The following CACNB1 variants were observed in gnomAD, a reference collection of about 807,000 sequenced individuals.
The protein encoded by CACNB1 is voltage-dependent L-type calcium channel subunit beta-1.
A neutral mutation model predicts 71.6 loss-of-function variants in CACNB1; 29 were observed. The ratio of observed to expected loss-of-function variants is 0.40; its 90% CI spans 0.30 to 0.55. The LOEUF (loss-of-function observed/expected upper bound fraction) is 0.55, where lower values mean the gene tolerates loss of function less well. Ranked by LOEUF, CACNB1 falls within the 20% of genes least tolerant of loss-of-function variation. The pLI is 0.38. For missense variants in CACNB1, 623 were observed against 801.8 expected, an observed-to-expected ratio of 0.78 and a Z score of 2.69; for synonymous variants, 300 against 319.6, an observed-to-expected ratio of 0.94 and a Z score of 0.65.
At chr17:39,182,999 C>T (rs2045816313) in intron 11 of CACNB1, 1 of 972,476 alleles carries the variant, frequency 1.0e-6, no homozygotes, top group Admixed American at 6.2e-5. Context: ...TTTCTCAGAT[C>T]CCCACTGGCA....
chr17:39,175,066 G>T lies in CACNB1; in HGVS notation c.*127C>A. The T allele has an allele frequency of 2.5e-6, 2 of 812,934 alleles. No homozygotes were observed. 50.4% of individuals were successfully genotyped at this position (812,934 alleles called of 1,614,324 possible). A position where few individuals can be genotyped will look rare whatever the true frequency, so the allele number is the denominator to read the frequency against. On this transcript the variant is annotated 3_prime_UTR_variant, in exon 14 of 14. Coordinates refer to ENST00000394303, the MANE Select transcript of CACNB1 (RefSeq NM_000723.5). The surrounding 1 kb of genome is among the most constrained non-coding windows in gnomAD (Gnocchi z 4.7). ...TAACACCAAAGAAACCCCAAGCTTT[G>T]AGCAAAGGCATCTGAAAGGAGGGAG...
rs771230457 is a variant in CACNB1 at position 39,186,757 on chromosome 17, T to C, written c.551+36A>G. On this transcript the variant is annotated intron_variant, in intron 5 of 13. Coordinates refer to ENST00000394303, the MANE Select transcript of CACNB1 (RefSeq NM_000723.5). This position sits in a 1 kb window ranked among gnomAD's most constrained non-coding sequence, Gnocchi z 4.1. ...CCAGGCTGTATGGCCTCTCCTGGGG[T>C]TGGCAGCATCCCCTTCCCCTGCCCC... 1.2e-6 allele frequency: 2 copies of C among 1,611,388 alleles called. No homozygotes were observed. Among genetic ancestry groups the C allele is most frequent in the South Asian group, 2.2e-5 (2 of 90,930 alleles).
intron 11 of CACNB1, among the ~76,000 whole-genome samples, chr17:39,182,428 C>T (rs1381038540): frequency 1.3e-5 from 2 of 151,824 alleles, no homozygotes; most frequent in Admixed American, 1.3e-4. Context: ...AGGCTGGGTG[C>T]GGTAGCTCAC....
intron 3 of CACNB1, among the ~76,000 whole-genome samples, 169 bp downstream of exon 3, chr17:39,191,305 A>G (rs2046074474): frequency 7.3e-6 from 1 of 136,854 alleles, no homozygotes; most frequent in South Asian, 2.4e-4. Flanking sequence ...CTGTATAAGC[A>G]GGCAGGTATT....
chr17:39,191,068 G>GTGGTGTA, intron 3 of CACNB1, among the ~76,000 whole-genome samples: 1 of 152,044 alleles, frequency 6.6e-6, no homozygotes, highest in South Asian at 2.1e-4. Flanking sequence ...GCCGGGCGTG[G>GTGGTGTA]CAGCCAGAGC....
At chr17:39,179,125 C>A (rs1420143917) in intron 11 of CACNB1, among the ~76,000 whole-genome samples, 1 of 151,432 alleles carries the variant, frequency 6.6e-6, no homozygotes, top group East Asian at 1.9e-4. Flanking sequence ...AACCCCATCT[C>A]TACTAAAAAT....
intron 11 of CACNB1, among the ~76,000 whole-genome samples, chr17:39,182,188 G>T (rs867463693): frequency 6.6e-6 from 1 of 151,032 alleles, no homozygotes; most frequent in South Asian, 2.1e-4. Context: ...AGCCAGGTGT[G>T]GTGTGTGCCC....
intron 10 of CACNB1, 59 bp from the exon 11 acceptor site, chr17:39,183,923 G>T (rs1174315050): frequency 6.3e-7 from 1 of 1,581,484 alleles, no homozygotes; most frequent in South Asian, 1.1e-5. Flanking sequence ...GGAACAGCAG[G>T]TGGAGGGAAC....
At position 39,184,823 on chromosome 17, in the gene CACNB1, C is replaced by T; in HGVS notation, c.690G>A (p.Arg230=). 1 of 1,612,982 alleles carries T rather than the reference C, an allele frequency of 6.2e-7. No individual in the cohort carries two copies. The highest frequency in any genetic ancestry group is 8.5e-7 in the Non-Finnish European group (1 of 1,179,216). The change falls in exon 8 of 14, where the codon AGG becomes AGA. Residue 230 remains arginine (R), a synonymous_variant. Coordinates refer to ENST00000394303, the MANE Select transcript of CACNB1 (RefSeq NM_000723.5). ...GCGACGGTCCCACCAGGATGATGGGCCTCATGGAAGGCACCACGTCATAGG... is the reference window on the plus strand; with the variant it reads ...GCGACGGTCCCACCAGGATGATGGGTCTCATGGAAGGCACCACGTCATAGG... The part of the protein sequence containing the change: ...VPPYDVVPSM[R]PIILVGPSLK...
chr17:39,180,390 C>T (rs893768459), intron 11 of CACNB1, among the ~76,000 whole-genome samples: 4 of 151,928 alleles, frequency 2.6e-5, no homozygotes, highest in Non-Finnish European at 5.9e-5. Flanking sequence ...CATGGTGGCT[C>T]ACGCCTATAA....
chr17:39,191,810 C>A, intron 2 of CACNB1: 1 of 531,090 alleles, frequency 1.9e-6, no homozygotes, highest in Non-Finnish European at 3.3e-6. Flanking sequence ...AGGGTGACAG[C>A]AGCAAGCAGG....
intron 11 of CACNB1, among the ~76,000 whole-genome samples, chr17:39,182,258 G>T (rs1183857383): frequency 2.0e-5 from 3 of 152,022 alleles, no homozygotes; most frequent in African/African-American, 7.3e-5. Flanking sequence ...AACCTGGGAG[G>T]CGGAGGCTGT....
At chr17:39,184,610 C>T (rs373134473) in intron 8 of CACNB1, among the ~76,000 whole-genome samples, 174 bp downstream of exon 8, 51 of 152,046 alleles carry the variant, frequency 3.4e-4, no homozygotes, top group East Asian at 1.7e-3. Context: ...CTTTGGGGGA[C>T]GGGGCTCCTC....
At chr17:39,177,598 G>A (rs2045619597) in intron 12 of CACNB1, 63 bp from the exon 13 acceptor site, 1 of 1,377,274 alleles carries the variant, frequency 7.3e-7, no homozygotes, top group Non-Finnish European at 1.0e-6. Context: ...GGGGTTGAGG[G>A]TGTGGCCTGG....
rs1193234511 is a variant in CACNB1 at position 39,186,575 on chromosome 17, G to C, written c.552-3C>G. The C allele has an allele frequency of 6.2e-7, 1 of 1,613,016 alleles. No individual in the cohort carries two copies. Among genetic ancestry groups the C allele is most frequent in the Non-Finnish European group, 8.5e-7 (1 of 1,179,370 alleles). On this transcript the variant is annotated splice_polypyrimidine_tract_variant and splice_region_variant and intron_variant, in intron 5 of 13. Transcript: ENST00000394303. This position sits in a 1 kb window ranked among gnomAD's most constrained non-coding sequence, Gnocchi z 4.1. ...AACTGGAGTTATCGCCTGATTTGCT[G>C]TGTGGGCAGAGGCAAACCGAGCTTG...
At position 39,177,506 on chromosome 17, in the gene CACNB1, G is replaced by C. The variant is rs1373123954; in HGVS notation, c.1176C>G (p.Asn392Lys). 2 of 1,603,824 alleles carry C rather than the reference G, an allele frequency of 1.2e-6. No homozygotes were observed. Among genetic ancestry groups the C allele is most frequent in the Non-Finnish European group, 1.7e-6 (2 of 1,172,896 alleles). Residue 392 changes from asparagine (N) to lysine (K), a missense_variant, in exon 13 of 14, where the codon AAC (asparagine) becomes AAG (lysine). Coordinates refer to ENST00000394303, the MANE Select transcript of CACNB1 (RefSeq NM_000723.5). ...GATGCTCGCAGGCATCCTCCAATTGGTTCTCATCCAGGATGATGTCAAACA... is the reference window on the plus strand; with the variant it reads ...GATGCTCGCAGGCATCCTCCAATTGCTTCTCATCCAGGATGATGTCAAACA... ...PEMFDIILDE[N>K]QLEDACEHLA...
intron 11 of CACNB1, among the ~76,000 whole-genome samples, chr17:39,180,532 G>C (rs1955650036): frequency 6.6e-6 from 1 of 151,678 alleles, no homozygotes; most frequent in South Asian, 2.1e-4. Context: ...GTGGGCGCCT[G>C]TAATACCAGC....
In CACNB1 at chr17:39,191,649, C is replaced by T. The variant is rs1029060847; in HGVS notation, c.172-56G>A. On this transcript the variant is annotated intron_variant, in intron 2 of 13. Coordinates refer to ENST00000394303, the MANE Select transcript of CACNB1 (RefSeq NM_000723.5). Reference sequence around the variant, plus strand: ...TTGCTGCCCCTCCCAGCTCCTGGGCCTGGGAAGGCATGGAGGTGCCACCCA... The same window carrying T: ...TTGCTGCCCCTCCCAGCTCCTGGGCTTGGGAAGGCATGGAGGTGCCACCCA... 5 of 1,579,832 alleles carry T rather than the reference C, an allele frequency of 3.2e-6. No individual in the cohort carries two copies. In the African/African-American group the frequency reaches 5.5e-5, roughly 17 times the overall value.
chr17:39,181,990 G>A (rs1367300870), intron 11 of CACNB1, among the ~76,000 whole-genome samples: 2 of 151,962 alleles, frequency 1.3e-5, no homozygotes, highest in Admixed American at 6.6e-5. Flanking sequence ...GTAAAATCCC[G>A]TCTCTACTAA....
Sources: gnomAD v4.1 joint callset for allele counts (sites outside exome capture counted in the v4.1 genomes callset) on GRCh38, gnomAD v4.1.1 for gene constraint, Gnocchi (gnomAD v3.1) non-coding constraint, MANE v1.5 for transcripts, NCBI Gene and HGNC (gene_info 2026-07-23, HGNC 2026-07-21) for gene names.